DCTN1: variants seen among roughly 807,000 people sequenced by gnomAD.
DCTN1 encodes dynactin subunit 1.
DCTN1 carries 61 observed loss-of-function variants against 161.2 expected under a neutral mutation model. That is an observed-to-expected ratio of 0.38 (90% CI 0.31 to 0.47). DCTN1 has a LOEUF of 0.47. Ranked by LOEUF, DCTN1 falls within the 20% of genes least tolerant of loss-of-function variation. The pLI, the probability that DCTN1 is intolerant of heterozygous loss-of-function variation, is 0.99. For synonymous variants in DCTN1, 653 were observed against 632.4 expected (o/e 1.03, Z -0.49); for missense variants, 1,404 against 1,623.7 (o/e 0.86, Z 2.33).
chr2:74,374,723 G>A, intron 5 of DCTN1: 2 of 1,174,796 alleles, frequency 1.7e-6, no homozygotes, highest in African/African-American at 1.6e-5. Flanking sequence ...TGCTCCATGG[G>A]GGTGGAGCCA....
chr2:74,362,269 T>C (rs1054164492), intron 30 of DCTN1, 128 bp from the exon 31 acceptor site: 4 of 799,340 alleles, frequency 5.0e-6, no homozygotes, highest in Non-Finnish European at 8.3e-6. Flanking sequence ...TCAACATACT[T>C]TTGCTCTCAT....
rs778421133 is a variant in DCTN1, at chr2:74,361,636, C to T, written c.3700G>A (p.Ala1234Thr). 1.9e-6 allele frequency: 3 copies of T among 1,613,960 alleles called. No individual in the cohort carries two copies. Among genetic ancestry groups the T allele is most frequent in the Admixed American group, 1.7e-5 (1 of 60,004 alleles). ...GTGTCATCCTGCTGCTCCTCCTTGG[C>T]CTGGTGGTTGATGAGGAGAAAAAGA... ...ATFPSSAFLRAKEEQQDDTVY... is the reference protein window; with the variant it reads ...ATFPSSAFLRTKEEQQDDTVY... The change falls in exon 32 of 32, where the codon GCC (alanine) becomes ACC (threonine). Residue 1234 changes from alanine (A) to threonine (T), a missense_variant and splice_region_variant. Ala to Thr is a moderately conservative substitution (Grantham distance 58). Coordinates refer to ENST00000628224, the MANE Select transcript of DCTN1 (RefSeq NM_004082.5).
At chr2:74,368,454 T>C in intron 16 of DCTN1, 1 of 618,838 alleles carries the variant, frequency 1.6e-6, no homozygotes, top group Non-Finnish European at 2.8e-6. Flanking sequence ...GGTTAACCCC[T>C]AGGCACCTCC....
chr2:74,366,098 G>A lies in DCTN1; in HGVS notation c.2761-80C>T, dbSNP rs555165454. Reference sequence around the variant, plus strand: ...ACTGTGCTCCTTACAGAGAGATCCAGTTACAGGGAAAACCCTGCCTTCTAG... The same window carrying A: ...ACTGTGCTCCTTACAGAGAGATCCAATTACAGGGAAAACCCTGCCTTCTAG... On this transcript the variant is annotated intron_variant, in intron 23 of 31. Transcript: ENST00000628224. 2.8e-4 allele frequency: 444 copies of A among 1,612,766 alleles called. 2 individuals carry two copies. The highest frequency in any genetic ancestry group is 1.9e-4 in the Non-Finnish European group (221 of 1,179,712).
chr2:74,361,230 G>A lies in DCTN1; in HGVS notation c.*269C>T. Reference sequence around the variant, plus strand: ...GACCTCACTTAACCTTTGGTGGTGGGGTCTCAGCCTACCCCCCACAAGCCC... The same window carrying A: ...GACCTCACTTAACCTTTGGTGGTGGAGTCTCAGCCTACCCCCCACAAGCCC... On this transcript the variant is annotated 3_prime_UTR_variant, in exon 32 of 32. Coordinates refer to ENST00000628224, the MANE Select transcript of DCTN1 (RefSeq NM_004082.5). The A allele has an allele frequency of 1.6e-6, 1 of 609,946 alleles. No homozygotes were observed. The highest frequency in any genetic ancestry group is 3.1e-6 in the Non-Finnish European group (1 of 327,632). The allele number at this position is 609,946 out of a possible 1,614,324, so 37.8% of individuals were successfully genotyped here. A position where few individuals can be genotyped will look rare whatever the true frequency, so the allele number is the denominator to read the frequency against.
rs1674639885 is a variant in DCTN1, at chr2:74,369,104, A to G, written c.1695T>C (p.His565=). 6.2e-7 allele frequency: 1 copy of G among 1,614,194 alleles called. No homozygotes were observed. Among genetic ancestry groups the G allele is most frequent in the East Asian group, 2.2e-5 (1 of 44,884 alleles). The change falls in exon 15 of 32, where the codon CAT becomes CAC. Residue 565 remains histidine (H), a synonymous_variant. Transcript: ENST00000628224. This position sits in a 1 kb window ranked among gnomAD's most constrained non-coding sequence, Gnocchi z 4.9. ...FKIKFAETKA[H]AKAIEMELRQ... ...ACCCACACACTTTCCTGACCTTGGC[A>G]TGGGCCTTAGTCTCAGCAAACTTGA...
chr2:74,387,648 T>C (rs1675801627), intron 1 of DCTN1, among the ~76,000 whole-genome samples: 1 of 152,232 alleles, frequency 6.6e-6, no homozygotes, highest in South Asian at 2.1e-4. Flanking sequence ...TAATTCTGTT[T>C]CTCCAGTCTC....
rs1385195379 is a variant in DCTN1 at position 74,368,895 on chromosome 2, GGGA to G, written c.1702-18_1702-16del. On this transcript the variant is annotated splice_polypyrimidine_tract_variant and intron_variant, in intron 15 of 31. Coordinates refer to ENST00000628224, the MANE Select transcript of DCTN1 (RefSeq NM_004082.5). ...ATCTCAATTGCCTGTGAGGTGAACA[GGGA>G]GGAGGACTCTTAGCCAGAGCTGAAA... 2.5e-6 allele frequency: 4 copies of G among 1,614,124 alleles called. No individual in the cohort carries two copies. The African/African-American group carries it at 4.0e-5, about 16-fold the overall frequency.
intron 1 of DCTN1, among the ~76,000 whole-genome samples, chr2:74,390,976 A>C (rs1675970355): frequency 6.6e-6 from 1 of 152,232 alleles, no homozygotes; most frequent in Admixed American, 6.5e-5. Context: ...ATTCATGGTA[A>C]ATATTATTAG....
intron 8 of DCTN1, 133 bp downstream of exon 8, chr2:74,371,404 C>T: frequency 8.0e-7 from 1 of 1,246,604 alleles, no homozygotes. Context: ...GCAAGATATC[C>T]ATAGGCTATG....
Position 74,377,688 on chromosome 2 carries a change from T to C in DCTN1, c.318A>G (p.Pro106=). ...TTGAAGCAGAAGAATCAGGTGTCTC[T>C]GGGGAAGTAGTATCTGCTCCATCTT... The part of the protein sequence containing the change: ...VFEDGADTTS[P]ETPDSSASKV... The change falls in exon 3 of 32, where the codon CCA becomes CCG. Residue 106 remains proline, a synonymous_variant. Transcript: ENST00000628224. 1.2e-6 allele frequency: 2 copies of C among 1,614,186 alleles called. No individual in the cohort carries two copies. Among genetic ancestry groups the C allele is most frequent in the Non-Finnish European group, 1.7e-6 (2 of 1,180,002 alleles).
chr2:74,371,889 A>G, intron 7 of DCTN1, 161 bp from the exon 8 acceptor site: 1 of 641,108 alleles, frequency 1.6e-6, no homozygotes. Flanking sequence ...AATGAAGGGG[A>G]CAAGGAAAAT....
At position 74,369,429 on chromosome 2, in the gene DCTN1, C is replaced by T; in HGVS notation, c.1455G>A (p.Leu485=). The change falls in exon 14 of 32, where the codon CTG becomes CTA. Residue 485 remains leucine, a synonymous_variant. Coordinates refer to ENST00000628224, the MANE Select transcript of DCTN1 (RefSeq NM_004082.5). The surrounding 1 kb of genome is among the most constrained non-coding windows in gnomAD (Gnocchi z 4.9). ...CGCCTGCCATGTCCAGCTGCTCCCG[C>T]AGCTCCAGTTCTGTCTCACGTGCAT... is the stretch of plus-strand genomic sequence containing the variant. The part of the protein sequence containing the change: ...QENARETELE[L]REQLDMAGAR... The T allele has an allele frequency of 6.2e-7, 1 of 1,614,212 alleles. No homozygotes were observed. Among genetic ancestry groups the T allele is most frequent in the Non-Finnish European group, 8.5e-7 (1 of 1,180,036 alleles).
intron 3 of DCTN1, 36 bp from the exon 4 acceptor site, chr2:74,377,502 T>C (rs1210705436): frequency 6.3e-7 from 1 of 1,593,028 alleles, no homozygotes; most frequent in East Asian, 2.2e-5. Context: ...TGTGTACTTG[T>C]ATAGAGAGGT....
chr2:74,379,943 C>T, intron 1 of DCTN1, 62 bp downstream of exon 1: 1 of 1,549,382 alleles, frequency 6.5e-7, no homozygotes, highest in Non-Finnish European at 8.9e-7. Context: ...GCAATGATGT[C>T]CACAGGCAGC....
At position 74,367,952 on chromosome 2, in the gene DCTN1, G is replaced by T; in HGVS notation, c.2015+19C>A. The stretch of plus-strand genomic sequence containing the variant: ...TCCTGGACCCCCACCCTGGGGTGAG[G>T]GAGTCAGGAGTCACTTACTGCTCAT... On this transcript the variant is annotated intron_variant, in intron 17 of 31. Transcript: ENST00000628224. 3 of 1,614,218 alleles carry T rather than the reference G, an allele frequency of 1.9e-6. No homozygotes were observed. Among genetic ancestry groups the T allele is most frequent in the Non-Finnish European group, 2.5e-6 (3 of 1,180,044 alleles).
chr2:74,369,623 G>A lies in DCTN1; in HGVS notation c.1393-132C>T. ...TGAGGTCGAGATCGAGATCATGCTG[G>A]CCAACATGGTGAAACCCCATCTCTA... On this transcript the variant is annotated intron_variant, in intron 13 of 31. Coordinates refer to ENST00000628224, the MANE Select transcript of DCTN1 (RefSeq NM_004082.5). The surrounding 1 kb of genome is among the most constrained non-coding windows in gnomAD (Gnocchi z 4.9). The A allele has an allele frequency of 1.0e-6, 1 of 958,980 alleles. No individual in the cohort carries two copies. The allele number at this position is 958,980 out of a possible 1,614,324, so 59.4% of individuals were successfully genotyped here.
chr2:74,368,472 C>T (rs866937524), intron 16 of DCTN1: 1 of 636,414 alleles, frequency 1.6e-6, no homozygotes, highest in Middle Eastern at 4.3e-4. Flanking sequence ...TCCTGGCCCT[C>T]AGACAATGTT....
At position 74,373,053 on chromosome 2, in the gene DCTN1, G is replaced by A; in HGVS notation, c.433-105C>T. On this transcript the variant is annotated intron_variant, in intron 6 of 31. Transcript: ENST00000628224. The stretch of plus-strand genomic sequence containing the variant: ...AGCAATGAGAGCAGAAGAAATAACA[G>A]GAATGGGGCTACAGTTAGCCACCCT... The A allele has an allele frequency of 7.4e-6, 8 of 1,080,626 alleles. No individual in the cohort carries two copies. In the South Asian group the frequency reaches 1.0e-4, roughly 14 times the overall value. The allele number at this position is 1,080,626 out of a possible 1,614,324, so 66.9% of individuals were successfully genotyped here. A position where few individuals can be genotyped will look rare whatever the true frequency, so the allele number is the denominator to read the frequency against.
Sources: gnomAD v4.1 joint callset for allele counts (sites outside exome capture counted in the v4.1 genomes callset) on GRCh38, gnomAD v4.1.1 for gene constraint, Gnocchi (gnomAD v3.1) non-coding constraint, MANE v1.5 for transcripts, NCBI Gene and HGNC (gene_info 2026-07-23, HGNC 2026-07-21) for gene names.